GRID2: variants seen among roughly 807,000 people sequenced by gnomAD.
The protein encoded by GRID2 is glutamate ionotropic receptor delta type subunit 2.
GRID2 carries 33 observed loss-of-function variants against 114.8 expected under a neutral mutation model. The observed-to-expected ratio is 0.29, with a 90% CI of 0.22 to 0.38. The LOEUF (loss-of-function observed/expected upper bound fraction) is 0.38, where lower values mean the gene tolerates loss of function less well. Ranked by LOEUF, GRID2 falls within the 10% of genes least tolerant of loss-of-function variation. GRID2 has a pLI of 1.00. For synonymous variants in GRID2, 505 were observed against 449.9 expected (o/e 1.12, Z -1.55); for missense variants, 1,184 against 1,257.7 (o/e 0.94, Z 0.89).
chr4:92,756,984 G>T (rs1230010012), intron 2 of GRID2, among the ~76,000 whole-genome samples: 1 of 151,932 alleles, frequency 6.6e-6, no homozygotes, highest in African/African-American at 2.4e-5. Flanking sequence ...TCTTCGTTTT[G>T]TTTCCTGTGA....
chr4:92,915,722 G>A (rs1307234638), intron 2 of GRID2, among the ~76,000 whole-genome samples: 1 of 152,070 alleles, frequency 6.6e-6, no homozygotes, highest in African/African-American at 2.4e-5. Context: ...AGCGTGGCCA[G>A]CATCTGTTAT....
At chr4:93,422,729 C>A in intron 9 of GRID2, 42 bp from the exon 10 acceptor site, 2 of 1,174,748 alleles carry the variant, frequency 1.7e-6, no homozygotes, top group Non-Finnish European at 2.5e-6. Context: ...TTTTAGGGAG[C>A]ACTATAGATT....
At chr4:92,840,970 A>C (rs1176724606) in intron 2 of GRID2, among the ~76,000 whole-genome samples, 1 of 151,964 alleles carries the variant, frequency 6.6e-6, no homozygotes, top group East Asian at 1.9e-4. Context: ...AACTATTCCA[A>C]ATGGAGAATG....
chr4:92,695,355 ATTCT>A (rs1560537262), intron 2 of GRID2, among the ~76,000 whole-genome samples: 1 of 152,026 alleles, frequency 6.6e-6, no homozygotes, highest in Non-Finnish European at 1.5e-5. Context: ...TATTCTTCTT[ATTCT>A]TTCTTATTGC....
chr4:93,585,210 G>A (rs1560780140), intron 13 of GRID2, among the ~76,000 whole-genome samples: 1 of 152,028 alleles, frequency 6.6e-6, no homozygotes, highest in Non-Finnish European at 1.5e-5. Flanking sequence ...GCAAACCTGT[G>A]TTTCACCTCC....
intron 1 of GRID2, among the ~76,000 whole-genome samples, chr4:93,803,448 G>A (rs370487922): frequency 2.6e-5 from 4 of 152,184 alleles, no homozygotes; most frequent in African/African-American, 9.6e-5. Context: ...TTTTGGCCGG[G>A]TGCGGTGGCT....
chr4:93,702,334 A>G (rs953852784), intron 14 of GRID2, among the ~76,000 whole-genome samples: 2 of 152,144 alleles, frequency 1.3e-5, no homozygotes, highest in Non-Finnish European at 2.9e-5. Flanking sequence ...AATTGGCATC[A>G]TATTTGCTCA....
intron 2 of GRID2, among the ~76,000 whole-genome samples, chr4:92,598,448 C>G (rs958449624): frequency 6.6e-6 from 1 of 152,096 alleles, no homozygotes; most frequent in Non-Finnish European, 1.5e-5. Flanking sequence ...ATCCTTGACT[C>G]TCCATATTAT....
chr4:92,413,429 G>A (rs779237494), intron 1 of GRID2, among the ~76,000 whole-genome samples: 4 of 152,140 alleles, frequency 2.6e-5, no homozygotes, highest in Non-Finnish European at 4.4e-5. Flanking sequence ...AATATTAGCA[G>A]TTTAGATTTA....
chr4:93,394,973 A>G (rs892663598), intron 8 of GRID2, among the ~76,000 whole-genome samples: 3 of 152,036 alleles, frequency 2.0e-5, no homozygotes, highest in African/African-American at 7.2e-5. Context: ...GCATAAAATT[A>G]AACTACTATT....
At chr4:93,337,984 T>C (rs1232527016) in intron 8 of GRID2, among the ~76,000 whole-genome samples, 1 of 152,172 alleles carries the variant, frequency 6.6e-6, no homozygotes, top group Non-Finnish European at 1.5e-5. Flanking sequence ...TCTTAGGTTT[T>C]AGTTTTCTGA....
At chr4:93,056,111 G>A (rs990929028) in intron 2 of GRID2, among the ~76,000 whole-genome samples, 1 of 151,858 alleles carries the variant, frequency 6.6e-6, no homozygotes, top group Non-Finnish European at 1.5e-5. Context: ...AACCTGCAGG[G>A]GTGTAGAATT....
intron 2 of GRID2, among the ~76,000 whole-genome samples, chr4:92,925,619 A>C (rs1045586261): frequency 6.6e-6 from 1 of 151,982 alleles, no homozygotes; most frequent in Non-Finnish European, 1.5e-5. Flanking sequence ...ATATTGGTAA[A>C]CTCTTTCAAA....
rs575319229 is a variant in GRID2, at chr4:92,894,175, G to A, written c.245-190820G>A. Reference sequence around the variant, plus strand: ...ACATGGTAGAGAAATATGGACCAAAGTACATTCATAAGGTTGATCAAACCT... The same window carrying A: ...ACATGGTAGAGAAATATGGACCAAAATACATTCATAAGGTTGATCAAACCT... On this transcript the variant is annotated intron_variant, in intron 2 of 15. Coordinates refer to ENST00000282020, the MANE Select transcript of GRID2 (RefSeq NM_001510.4). Among the ~76,000 whole-genome samples, 3 of 152,242 alleles carry A rather than the reference G, an allele frequency of 2.0e-5. No individual in the cohort carries two copies. The South Asian group carries it at 6.2e-4, about 32-fold the overall frequency.
At chr4:92,378,415 T>C (rs2110232133) in intron 1 of GRID2, among the ~76,000 whole-genome samples, 1 of 152,252 alleles carries the variant, frequency 6.6e-6, no homozygotes, top group South Asian at 2.1e-4. Context: ...TTAAGGATTG[T>C]ATTTAATGAA....
chr4:93,695,284 T>C (rs966270160), intron 14 of GRID2, among the ~76,000 whole-genome samples: 2 of 152,214 alleles, frequency 1.3e-5, no homozygotes, highest in South Asian at 2.1e-4. Flanking sequence ...CGTGTATTTT[T>C]TAATTCATCC....
chr4:92,868,024 CTTT>C, intron 2 of GRID2, among the ~76,000 whole-genome samples: 1 of 58,088 alleles, frequency 1.7e-5, no homozygotes, highest in African/African-American at 4.6e-5. Context: ...GGTTTTCTTT[CTTT>C]CTTTCTTTCT....
At chr4:92,798,042 A>T (rs1739975860) in intron 2 of GRID2, among the ~76,000 whole-genome samples, 2 of 151,998 alleles carry the variant, frequency 1.3e-5, no homozygotes. Context: ...AAACAAAGAT[A>T]ACATAGTTTG....
Position 92,350,317 on chromosome 4 carries a change from A to ACT in GRID2, c.88+45582_88+45583dup, listed in dbSNP as rs748994571. ...GTATTGTTATTCTTTAATATCCACT[A>ACT]CTCTCTCTCTTTCTTTATAAAAGAA... On this transcript the variant is annotated intron_variant, in intron 1 of 15. Coordinates refer to ENST00000282020, the MANE Select transcript of GRID2 (RefSeq NM_001510.4). 6.6e-5 allele frequency among the ~76,000 whole-genome samples: 10 copies of ACT among 151,232 alleles called. No homozygotes were observed. The East Asian group carries it at 1.9e-3, about 29-fold the overall frequency.
Sources: gnomAD v4.1 joint callset for allele counts (sites outside exome capture counted in the v4.1 genomes callset) on GRCh38, gnomAD v4.1.1 for gene constraint, MANE v1.5 for transcripts, NCBI Gene and HGNC (gene_info 2026-07-23, HGNC 2026-07-21) for gene names.